Variants in STRN3 observed in about 807,000 individuals in gnomAD.
STRN3 encodes striatin 3, also known as striatin-3.
In STRN3, 29 loss-of-function variants were observed where a neutral mutation model predicts 95.6. The observed-to-expected ratio is 0.30, with a 90% confidence interval of 0.23 to 0.41. The LOEUF is 0.41. Among genes scored for constraint, STRN3 ranks in the 10% least tolerant of loss-of-function variants. The probability of loss-of-function intolerance (pLI) is 1.00; values close to 1 mark genes in which losing one functional copy is unlikely to be tolerated. For synonymous variants in STRN3, 331 were observed against 357.6 expected (o/e 0.93, Z 0.84); for missense variants, 890 against 972.1 (o/e 0.92, Z 1.12).
intron 1 of STRN3, among the ~76,000 whole-genome samples, chr14:30,958,038 C>A (rs550881156): frequency 5.1e-4 from 77 of 152,252 alleles, no homozygotes; most frequent in Middle Eastern, 3.4e-3. Flanking sequence ...AAAACTGTTA[C>A]CCTAAAAAAA....
chr14:30,967,840 T>C (rs543408839), intron 1 of STRN3, among the ~76,000 whole-genome samples: 8 of 152,302 alleles, frequency 5.3e-5, no homozygotes, highest in African/African-American at 1.7e-4. Flanking sequence ...TAACAGGAGA[T>C]TGAAATCTTA....
At chr14:30,985,576 CTGGGCAACGAG>C (rs1188893946) in intron 1 of STRN3, among the ~76,000 whole-genome samples, 2 of 147,614 alleles carry the variant, frequency 1.4e-5, no homozygotes, top group Non-Finnish European at 3.0e-5. Context: ...GTACTCCAGC[CTGGGCAACGAG>C]AGCGAAACTC....
chr14:31,017,860 G>C (rs1032191230), intron 1 of STRN3, among the ~76,000 whole-genome samples: 1 of 151,968 alleles, frequency 6.6e-6, no homozygotes, highest in Non-Finnish European at 1.5e-5. Context: ...GTGATCACTT[G>C]AGGTCAGGAG....
chr14:30,923,687 T>G lies in STRN3; in HGVS notation c.1100-4581A>C, dbSNP rs148363828. 1.1e-4 allele frequency among the ~76,000 whole-genome samples: 17 copies of G among 152,268 alleles called. 2 individuals carry two copies. The highest frequency in any genetic ancestry group is 3.8e-4 in the African/African-American group (16 of 41,572). On this transcript the variant is annotated intron_variant, in intron 8 of 17. Transcript: ENST00000357479. Reference sequence around the variant, plus strand: ...AATCTTTTCTTGGTAAGTTTAAATTTTATAGGTATAATATAGCTTAAGAGT... The same window carrying G: ...AATCTTTTCTTGGTAAGTTTAAATTGTATAGGTATAATATAGCTTAAGAGT...
At chr14:31,005,016 T>C (rs1002123049) in intron 1 of STRN3, among the ~76,000 whole-genome samples, 1 of 151,846 alleles carries the variant, frequency 6.6e-6, no homozygotes, top group African/African-American at 2.4e-5. Context: ...AGAGGAAAGG[T>C]ATGGTAATCC....
chr14:30,951,642 A>G (rs1187733069), intron 3 of STRN3, among the ~76,000 whole-genome samples: 1 of 152,228 alleles, frequency 6.6e-6, no homozygotes, highest in African/African-American at 2.4e-5. Flanking sequence ...TTAGGCATAC[A>G]TAAAAATATT....
chr14:31,013,412 T>C (rs112603701), intron 1 of STRN3, among the ~76,000 whole-genome samples: 11 of 151,850 alleles, frequency 7.2e-5, no homozygotes, highest in African/African-American at 2.2e-4. Context: ...AAATAGGTTA[T>C]ATAGTTTGCC....
intron 1 of STRN3, among the ~76,000 whole-genome samples, chr14:31,017,641 T>A (rs1389655626): frequency 6.6e-6 from 1 of 152,174 alleles, no homozygotes; most frequent in Non-Finnish European, 1.5e-5. Context: ...CCCCCAAGGA[T>A]ACCATGGGAA....
At chr14:30,896,775 A>AC (rs1386246815) in intron 16 of STRN3, among the ~76,000 whole-genome samples, 3 of 152,182 alleles carry the variant, frequency 2.0e-5, no homozygotes, top group Non-Finnish European at 4.4e-5. Flanking sequence ...TAAACAAATT[A>AC]CTCTAGATTT....
intron 1 of STRN3, among the ~76,000 whole-genome samples, chr14:31,018,082 T>TA (rs1464988299): frequency 2.3e-5 from 3 of 132,340 alleles, no homozygotes; most frequent in East Asian, 2.0e-4. Context: ...CTGCCTCAAT[T>TA]TAAAAAAAAA....
intron 1 of STRN3, among the ~76,000 whole-genome samples, chr14:30,963,766 A>C (rs1363323673): frequency 6.6e-6 from 1 of 152,218 alleles, no homozygotes; most frequent in Non-Finnish European, 1.5e-5. Context: ...ACCACAAAAA[A>C]ATCAAGTTAG....
intron 1 of STRN3, chr14:31,025,605 A>C: frequency 2.1e-6 from 1 of 472,224 alleles, no homozygotes. Flanking sequence ...CAAGCCCCGG[A>C]GGCCCGGGAA....
chr14:30,929,962 A>AAAAC (rs1485609445), intron 7 of STRN3, among the ~76,000 whole-genome samples: 4 of 147,234 alleles, frequency 2.7e-5, no homozygotes, highest in Admixed American at 2.1e-4. Flanking sequence ...AGCAAAAAAA[A>AAAAC]AAAAAAAAAA....
At chr14:31,020,728 C>T (rs962143895) in intron 1 of STRN3, among the ~76,000 whole-genome samples, 1 of 151,958 alleles carries the variant, frequency 6.6e-6, no homozygotes, top group South Asian at 2.1e-4. Context: ...GGGCAACAAA[C>T]TGAGAACCCA....
chr14:30,958,869 C>T (rs1035079147), intron 1 of STRN3, among the ~76,000 whole-genome samples: 3 of 152,078 alleles, frequency 2.0e-5, no homozygotes, highest in Admixed American at 6.6e-5. Context: ...TTTTGTATTA[C>T]CAACTATCCA....
intron 1 of STRN3, among the ~76,000 whole-genome samples, chr14:30,990,891 C>T (rs902752747): frequency 1.3e-5 from 2 of 152,130 alleles, no homozygotes; most frequent in South Asian, 4.1e-4. Flanking sequence ...ATGTGCAGTA[C>T]AGATGCAACA....
At position 30,902,537 on chromosome 14, in the gene STRN3, C is replaced by G. The variant is rs760674108; in HGVS notation, c.2136G>C (p.Thr712=). 30 of 1,576,382 alleles carry G rather than the reference C, an allele frequency of 1.9e-5. No homozygotes were observed. Among genetic ancestry groups the G allele is most frequent in the African/African-American group, 2.7e-5 (2 of 73,208 alleles). The part of the protein sequence containing the change: ...DRHIKFFDNK[T]GKMIHSMVAH... ...ATGAAAAGAAGACAATTTGCTTACC[C>G]GTTTTATTGTCAAAAAATTTGATGT... The change falls in exon 16 of 18, where the codon ACG becomes ACC. Residue 712 remains threonine (T), a splice_region_variant and synonymous_variant. Coordinates refer to ENST00000357479, the MANE Select transcript of STRN3 (RefSeq NM_001083893.2).
intron 1 of STRN3, among the ~76,000 whole-genome samples, chr14:31,023,401 T>C (rs1566500034): frequency 6.6e-6 from 1 of 152,206 alleles, no homozygotes; most frequent in Non-Finnish European, 1.5e-5. Flanking sequence ...GACAGACCTT[T>C]ACTCTAAATT....
At chr14:31,024,507 G>A (rs563877828) in intron 1 of STRN3, among the ~76,000 whole-genome samples, 29 of 152,236 alleles carry the variant, frequency 1.9e-4, no homozygotes, top group African/African-American at 6.7e-4. Context: ...AAACACAATT[G>A]TAAAGCACTG....
Sources: allele counts gnomAD v4.1 joint callset (sites outside exome capture counted in the v4.1 genomes callset), GRCh38; gene constraint gnomAD v4.1.1; transcripts MANE v1.5; gene names NCBI Gene and HGNC (gene_info 2026-07-23, HGNC 2026-07-21).